Variants in MTHFSD observed in about 807,000 individuals in gnomAD.
MTHFSD encodes the protein methenyltetrahydrofolate synthetase domain containing.
In MTHFSD, 37 loss-of-function variants were observed where a neutral mutation model predicts 31.1. The observed-to-expected ratio is 1.19, with a 90% CI of 0.91 to 1.56. The LOEUF (loss-of-function observed/expected upper bound fraction) is 1.56. Ranked by LOEUF, MTHFSD falls within the 40% of genes most tolerant of loss-of-function variation. The pLI is 0.00. For synonymous variants in MTHFSD, 221 were observed against 206.9 expected (o/e 1.07, Z -0.59); for missense variants, 664 against 510.1 (o/e 1.30, Z -2.91).
rs553316031 is a variant in MTHFSD, at chr16:86,547,251, G to C, written c.352-602C>G. On this transcript the variant is annotated intron_variant, in intron 4 of 7. Coordinates refer to ENST00000360900, the MANE Select transcript of MTHFSD (RefSeq NM_001159377.2). ...TCCCTTCAACCAAAATGTCCCAAAA[G>C]TGTACCGCTTTATACTAATGCAGGC... 2.2e-5 allele frequency: 22 copies of C among 986,040 alleles called. No individual in the cohort carries two copies. In the Admixed American group the frequency reaches 9.8e-4, roughly 44 times the overall value. 61.1% of individuals were successfully genotyped at this position (986,040 alleles called of 1,614,324 possible).
intron 7 of MTHFSD, among the ~76,000 whole-genome samples, chr16:86,534,211 C>T (rs905206174): frequency 4.3e-4 from 66 of 152,216 alleles, no homozygotes; most frequent in African/African-American, 1.5e-3. Flanking sequence ...ATTTCTCTTC[C>T]ACTGGGCCCT....
At position 86,540,310 on chromosome 16, in the gene MTHFSD, C is replaced by T. The variant is rs71390838; in HGVS notation, c.681+1387G>A. On this transcript the variant is annotated intron_variant, in intron 7 of 7. Transcript: ENST00000360900. ...AGAGGGTCTCGACAAACAGCGAAGCCCCCGATGCCCTCCCTCCCCCACAGT... is the reference window on the plus strand; with the variant it reads ...AGAGGGTCTCGACAAACAGCGAAGCTCCCGATGCCCTCCCTCCCCCACAGT... 9.4e-3 allele frequency among the ~76,000 whole-genome samples: 1,430 copies of T among 152,308 alleles called. 14 individuals carry two copies. The highest frequency in any genetic ancestry group is 0.02 in the Middle Eastern group (6 of 294).
intron 4 of MTHFSD, 25 bp from the exon 5 acceptor site, chr16:86,546,674 A>C: frequency 6.4e-7 from 1 of 1,574,774 alleles, no homozygotes; most frequent in Non-Finnish European, 8.7e-7. Flanking sequence ...ACGGATTGGA[A>C]AACTTCAACT....
In MTHFSD at chr16:86,552,059, C is replaced by G; in HGVS notation, c.211G>C (p.Glu71Gln). 6.2e-7 allele frequency: 1 copy of G among 1,614,232 alleles called. No individual in the cohort carries two copies. Among genetic ancestry groups the G allele is most frequent in the Non-Finnish European group, 8.5e-7 (1 of 1,180,048 alleles). Residue 71 changes from glutamate to glutamine, a missense_variant, in exon 3 of 8, where the codon GAA becomes CAA. By Grantham distance (29) the Glu-to-Gln change is conservative. Coordinates refer to ENST00000360900, the MANE Select transcript of MTHFSD (RefSeq NM_001159377.2). ...TGCAGCACCAGCAGCCGAACGCCTTCCAGTGGTTTATCAGGGTCCACTTTA... is the reference window on the plus strand; with the variant it reads ...TGCAGCACCAGCAGCCGAACGCCTTGCAGTGGTTTATCAGGGTCCACTTTA... ...EVKVDPDKPL[E>Q]GVRLLVLQSK...
At chr16:86,534,104 C>G (rs1351478606) in intron 7 of MTHFSD, among the ~76,000 whole-genome samples, 3 of 152,234 alleles carry the variant, frequency 2.0e-5, no homozygotes, top group Non-Finnish European at 4.4e-5. Flanking sequence ...CAAAGAAAGA[C>G]TTGCGCCAAC....
intron 3 of MTHFSD, among the ~76,000 whole-genome samples, chr16:86,549,720 C>A (rs889568120): frequency 1.3e-5 from 2 of 152,248 alleles, no homozygotes; most frequent in African/African-American, 4.8e-5. Flanking sequence ...CCTGGCATGG[C>A]CAACAGTCTT....
At position 86,542,011 on chromosome 16, in the gene MTHFSD, G is replaced by C; in HGVS notation, c.555+90C>G. On this transcript the variant is annotated intron_variant, in intron 6 of 7. Coordinates refer to ENST00000360900, the MANE Select transcript of MTHFSD (RefSeq NM_001159377.2). The surrounding 1 kb of genome is among the most constrained non-coding windows in gnomAD (Gnocchi z 4.6). The stretch of plus-strand genomic sequence containing the variant: ...ATCCACACCACTCGCCACACAGCAT[G>C]GTTCAGAAGCAGATGAGTCTCCTTC... 1 of 1,378,010 alleles carries C rather than the reference G, an allele frequency of 7.3e-7. No homozygotes were observed. Among genetic ancestry groups the C allele is most frequent in the Non-Finnish European group, 1.0e-6 (1 of 988,598 alleles). 85.4% of individuals were successfully genotyped at this position (1,378,010 alleles called of 1,614,324 possible).
At chr16:86,535,481 C>A in intron 7 of MTHFSD, 3 of 985,330 alleles carry the variant, frequency 3.0e-6, no homozygotes, top group Non-Finnish European at 3.6e-6. Context: ...TGTTTCCTGG[C>A]TGGCAATGAG....
chr16:86,552,286 A>C lies in MTHFSD; in HGVS notation c.124-140T>G, dbSNP rs1973272366. Reference sequence around the variant, plus strand: ...CGTGGGAGTTGCTCGGCAGCATGAGAAGCGCCCTGTTTCCAATGCAATCGC... The same window carrying C: ...CGTGGGAGTTGCTCGGCAGCATGAGCAGCGCCCTGTTTCCAATGCAATCGC... On this transcript the variant is annotated intron_variant, in intron 2 of 7. Coordinates refer to ENST00000360900, the MANE Select transcript of MTHFSD (RefSeq NM_001159377.2). 1.9e-6 allele frequency: 3 copies of C among 1,577,676 alleles called. No individual in the cohort carries two copies. In the East Asian group the frequency reaches 7.0e-5, roughly 37 times the overall value.
At chr16:86,534,030 G>A (rs978181126) in intron 7 of MTHFSD, among the ~76,000 whole-genome samples, 5 of 152,218 alleles carry the variant, frequency 3.3e-5, no homozygotes, top group African/African-American at 1.2e-4. Context: ...GCAGGTAGCA[G>A]GCACATGGCC....
chr16:86,554,798 G>T (rs1973829615), intron 1 of MTHFSD, 47 bp from the exon 2 acceptor site: 1 of 1,527,278 alleles, frequency 6.5e-7, no homozygotes, highest in Non-Finnish European at 9.1e-7. Context: ...GAATTCCAGA[G>T]CCCATGCTGA....
chr16:86,546,653 C>T lies in MTHFSD; in HGVS notation c.352-4G>A, dbSNP rs777639141. 3.1e-6 allele frequency: 5 copies of T among 1,611,278 alleles called. No homozygotes were observed. Among genetic ancestry groups the T allele is most frequent in the African/African-American group, 1.3e-5 (1 of 74,882 alleles). On this transcript the variant is annotated splice_region_variant and splice_polypyrimidine_tract_variant and intron_variant, in intron 4 of 7. Transcript: ENST00000360900. ...GGACACTGTAGTTCCTCACACCCTG[C>T]ACACAGAGATACGGATTGGAAAACT... is the stretch of plus-strand genomic sequence containing the variant.
At position 86,555,185 on chromosome 16, in the gene MTHFSD, G is replaced by A. The variant is rs1285351581; in HGVS notation, c.-1C>T. On this transcript the variant is annotated 5_prime_UTR_variant, in exon 1 of 8. Coordinates refer to ENST00000360900, the MANE Select transcript of MTHFSD (RefSeq NM_001159377.2). ...GCCCCCCACCTGCCCTCGGCTCCATGGTGATGCAGTCGCTGTGCGACGCTT... is the reference window on the plus strand; with the variant it reads ...GCCCCCCACCTGCCCTCGGCTCCATAGTGATGCAGTCGCTGTGCGACGCTT... 2.6e-6 allele frequency: 4 copies of A among 1,537,280 alleles called. No individual in the cohort carries two copies. Among genetic ancestry groups the A allele is most frequent in the East Asian group, 2.4e-5 (1 of 41,022 alleles).
At chr16:86,535,329 A>ATGGAAACATCTTCC (rs11268446) in intron 7 of MTHFSD, 849,381 of 984,842 alleles carry the variant, frequency 0.86, 366,501 homozygotes, top group African/African-American at 0.93. Context: ...TCAAGCTCTA[A>ATGGAAACATCTTCC]TGGCTGTGGG....
chr16:86,540,110 T>A (rs558167306), intron 7 of MTHFSD, among the ~76,000 whole-genome samples: 1 of 152,186 alleles, frequency 6.6e-6, no homozygotes, highest in African/African-American at 2.4e-5. Context: ...TTTGGCTGCA[T>A]GGCTAGCGAG....
chr16:86,549,928 AC>A (rs1972894758), intron 3 of MTHFSD, among the ~76,000 whole-genome samples: 1 of 152,114 alleles, frequency 6.6e-6, no homozygotes, highest in South Asian at 2.1e-4. Context: ...GTCCGGTCAG[AC>A]ACTGGCCACT....
intron 7 of MTHFSD, chr16:86,535,400 G>A: frequency 3.0e-6 from 3 of 985,416 alleles, no homozygotes; most frequent in Non-Finnish European, 3.6e-6. Flanking sequence ...CAGCTGACAA[G>A]AAAGCCTCCT....
Position 86,531,818 on chromosome 16 carries a change from GGGC to G in MTHFSD, c.*190_*192del. 2.3e-6 allele frequency: 1 copy of G among 431,770 alleles called. No individual in the cohort carries two copies. Among genetic ancestry groups the G allele is most frequent in the Non-Finnish European group, 4.1e-6 (1 of 245,012 alleles). The allele number at this position is 431,770 out of a possible 1,614,324, so 26.7% of individuals were successfully genotyped here. On this transcript the variant is annotated 3_prime_UTR_variant, in exon 8 of 8. Transcript: ENST00000360900. This position sits in a 1 kb window ranked among gnomAD's most constrained non-coding sequence, Gnocchi z 5.5. Reference sequence around the variant, plus strand: ...TCTGCGCGCTGTGAGATGAACCGCAGGGCGGCTTCCCCACTCACAGGAGGGCCT... The same window carrying G: ...TCTGCGCGCTGTGAGATGAACCGCAGGGCTTCCCCACTCACAGGAGGGCCT...
chr16:86,537,907 C>T (rs562378279), intron 7 of MTHFSD, among the ~76,000 whole-genome samples: 1 of 152,226 alleles, frequency 6.6e-6, no homozygotes, highest in South Asian at 2.1e-4. Flanking sequence ...CCAGGAAAGT[C>T]AGATGCACGG....
Sources: gnomAD v4.1 joint callset for allele counts (sites outside exome capture counted in the v4.1 genomes callset) on GRCh38, gnomAD v4.1.1 for gene constraint, Gnocchi (gnomAD v3.1) non-coding constraint, MANE v1.5 for transcripts, NCBI Gene and HGNC (gene_info 2026-07-23, HGNC 2026-07-21) for gene names.